The following CHRM5 variants were observed in gnomAD, a reference collection of about 807,000 sequenced individuals.
CHRM5 encodes cholinergic receptor muscarinic 5.
Under a neutral mutation model 39.0 loss-of-function variants are expected in CHRM5, and 18 were observed. The observed-to-expected ratio is 0.46, with a 90% CI of 0.32 to 0.68. The LOEUF (loss-of-function observed/expected upper bound fraction) is 0.68, where lower values mean the gene tolerates loss of function less well. Ranked by LOEUF, CHRM5 falls within the 30% of genes least tolerant of loss-of-function variation. CHRM5 has a pLI of 0.04. For missense variants in CHRM5, 515 were observed against 651.1 expected, an observed-to-expected ratio of 0.79 and a Z score of 2.28; for synonymous variants, 241 against 246.3, an observed-to-expected ratio of 0.98 and a Z score of 0.20.
intron 1 of CHRM5, among the ~76,000 whole-genome samples, chr15:33,983,930 GA>G (rs11353733): frequency 0.31 from 44,731 of 142,878 alleles, 8,575 homozygotes; most frequent in African/African-American, 0.55. Flanking sequence ...GCCTCATCAT[GA>G]AAAAAAAAAA....
chr15:34,014,556 G>A (rs1029545111), intron 1 of CHRM5, among the ~76,000 whole-genome samples: 3 of 152,050 alleles, frequency 2.0e-5, no homozygotes, highest in Non-Finnish European at 4.4e-5. Context: ...AAGTCCCAAA[G>A]ATGAACAGGT....
rs148035145 is a variant in CHRM5 at position 33,983,215 on chromosome 15, C to CATATAT, written c.-408+14069_-408+14074dup. ...GTATGTGTGTGTATATATATATATA[C>CATATAT]ATATATATACACACACATACACACA... On this transcript the variant is annotated intron_variant, in intron 1 of 2. Coordinates refer to ENST00000383263, the MANE Select transcript of CHRM5 (RefSeq NM_012125.4). Among the ~76,000 whole-genome samples, 31 of 111,816 alleles carry CATATAT rather than the reference C, an allele frequency of 2.8e-4. No homozygotes were observed. In the South Asian group the frequency reaches 2.8e-3, roughly 10 times the overall value. 73.4% of individuals were successfully genotyped at this position (111,816 alleles called of 152,430 possible). A position where few individuals can be genotyped will look rare whatever the true frequency, so the allele number is the denominator to read the frequency against.
intron 2 of CHRM5, among the ~76,000 whole-genome samples, chr15:34,056,990 G>A (rs1900177911): frequency 6.6e-6 from 1 of 152,124 alleles, no homozygotes. Flanking sequence ...AGTGAACTAT[G>A]ATCACACCAC....
intron 1 of CHRM5, among the ~76,000 whole-genome samples, chr15:33,979,461 G>A (rs562221289): frequency 6.6e-6 from 1 of 152,172 alleles, no homozygotes; most frequent in Admixed American, 6.5e-5. Flanking sequence ...CTCCAGCCTG[G>A]GCAACAAAGC....
chr15:34,001,043 G>A (rs1261815952), intron 1 of CHRM5, among the ~76,000 whole-genome samples: 20 of 138,562 alleles, frequency 1.4e-4, no homozygotes, highest in Admixed American at 5.8e-4. Context: ...TTTTTGAGAC[G>A]GAGTTTTGCT....
At chr15:34,034,842 C>T (rs764938819) in intron 1 of CHRM5, among the ~76,000 whole-genome samples, 1 of 152,308 alleles carries the variant, frequency 6.6e-6, no homozygotes, top group Non-Finnish European at 1.5e-5. Flanking sequence ...TGTTGGGACA[C>T]TTAAGCACAT....
At chr15:34,039,177 G>A in intron 1 of CHRM5, 5 of 794,058 alleles carry the variant, frequency 6.3e-6, no homozygotes, top group Non-Finnish European at 7.7e-6. Flanking sequence ...CGCGGGGTGC[G>A]GGGCTAGGGA....
chr15:34,031,222 T>G (rs949945936), intron 1 of CHRM5, among the ~76,000 whole-genome samples: 7 of 123,706 alleles, frequency 5.7e-5, no homozygotes, highest in African/African-American at 1.2e-4. Flanking sequence ...TTGCCCAGGC[T>G]GGAATGCAAT....
chr15:34,010,929 C>T (rs1897609344), intron 1 of CHRM5, among the ~76,000 whole-genome samples: 1 of 152,140 alleles, frequency 6.6e-6, no homozygotes, highest in Non-Finnish European at 1.5e-5. Flanking sequence ...TAAGCAACAA[C>T]TTACACTACT....
Position 34,063,300 on chromosome 15 carries a change from T to C in CHRM5, c.583T>C (p.Phe195Leu). ...IQFLSEPTIT[F>L]GTAIAAFYIP... The stretch of plus-strand genomic sequence containing the variant: ...GTTTCTCTCTGAGCCCACCATCACT[T>C]TTGGCACTGCCATTGCTGCCTTCTA... The change falls in exon 3 of 3, where the codon TTT becomes CTT. Residue 195 changes from phenylalanine to leucine, a missense_variant. Coordinates refer to ENST00000383263, the MANE Select transcript of CHRM5 (RefSeq NM_012125.4). This position sits in a 1 kb window ranked among gnomAD's most constrained non-coding sequence, Gnocchi z 4.1. 6.2e-7 allele frequency: 1 copy of C among 1,614,136 alleles called. No homozygotes were observed. The highest frequency in any genetic ancestry group is 8.5e-7 in the Non-Finnish European group (1 of 1,180,022).
intron 1 of CHRM5, among the ~76,000 whole-genome samples, chr15:34,027,528 C>CAAAAAA (rs35780353): frequency 2.3e-4 from 31 of 132,578 alleles, no homozygotes; most frequent in South Asian, 5.0e-4. Context: ...GACTCTGTCT[C>CAAAAAA]AAAAAAAAAA....
At chr15:33,982,702 C>T (rs1896207662) in intron 1 of CHRM5, among the ~76,000 whole-genome samples, 1 of 152,144 alleles carries the variant, frequency 6.6e-6, no homozygotes, top group South Asian at 2.1e-4. Flanking sequence ...TTTCCAAGAA[C>T]AGCAGTAAAG....
intron 1 of CHRM5, among the ~76,000 whole-genome samples, chr15:34,037,195 A>G (rs557424705): frequency 6.6e-6 from 1 of 152,220 alleles, no homozygotes; most frequent in East Asian, 1.9e-4. Flanking sequence ...CACTCACTCA[A>G]TTCAACTTAA....
At chr15:34,034,254 G>A (rs1220731319) in intron 1 of CHRM5, among the ~76,000 whole-genome samples, 1 of 152,060 alleles carries the variant, frequency 6.6e-6, no homozygotes, top group Non-Finnish European at 1.5e-5. Flanking sequence ...ACCAGCCTGG[G>A]CAAGACAGTG....
chr15:33,989,392 C>A (rs1042986777), intron 1 of CHRM5, among the ~76,000 whole-genome samples: 5 of 151,640 alleles, frequency 3.3e-5, no homozygotes, highest in Admixed American at 2.0e-4. Flanking sequence ...ATCGTCACAA[C>A]TACCCCTAGA....
In CHRM5 at chr15:34,064,335, C is replaced by A. The variant is rs777257902; in HGVS notation, c.*19C>A. ...ACCCTGAAAAGTCAACAACTCCTCT[C>A]GAAAGAACAATGACCACAGTCAACA... On this transcript the variant is annotated 3_prime_UTR_variant, in exon 3 of 3. Coordinates refer to ENST00000383263, the MANE Select transcript of CHRM5 (RefSeq NM_012125.4). 1 of 1,595,870 alleles carries A rather than the reference C, an allele frequency of 6.3e-7. No individual in the cohort carries two copies. The highest frequency in any genetic ancestry group is 1.7e-5 in the Admixed American group (1 of 57,340).
chr15:34,024,935 C>T (rs1414226512), intron 1 of CHRM5, among the ~76,000 whole-genome samples: 1 of 151,736 alleles, frequency 6.6e-6, no homozygotes, highest in Non-Finnish European at 1.5e-5. Flanking sequence ...GTAATCCTAG[C>T]ACTTTGGGAG....
intron 1 of CHRM5, among the ~76,000 whole-genome samples, chr15:33,980,875 A>G (rs1896108162): frequency 6.6e-6 from 1 of 152,224 alleles, no homozygotes; most frequent in Admixed American, 6.5e-5. Context: ...ATAATGGAAA[A>G]AATACAGCTA....
At chr15:34,016,741 C>A (rs1260140368) in intron 1 of CHRM5, among the ~76,000 whole-genome samples, 1 of 152,176 alleles carries the variant, frequency 6.6e-6, no homozygotes, top group African/African-American at 2.4e-5. Flanking sequence ...TTTAAACCAG[C>A]GTAACCGTTT....
Sources: allele counts gnomAD v4.1 joint callset (sites outside exome capture counted in the v4.1 genomes callset), GRCh38; gene constraint gnomAD v4.1.1; non-coding constraint Gnocchi (gnomAD v3.1); transcripts MANE v1.5; gene names NCBI Gene and HGNC (gene_info 2026-07-23, HGNC 2026-07-21).